MAF: variants seen among roughly 807,000 people sequenced by gnomAD.
MAF encodes the protein transcription factor Maf.
Under a neutral mutation model 22.0 loss-of-function variants are expected in MAF, and 10 were observed. That is an observed-to-expected ratio of 0.45 (90% CI 0.28 to 0.77). MAF has a LOEUF of 0.77. Among genes scored for constraint, MAF ranks in the 30% least tolerant of loss-of-function variants. The pLI is 0.12. For synonymous variants in MAF, 337 were observed against 255.8 expected (o/e 1.32, Z -3.03); for missense variants, 544 against 548.4 (o/e 0.99, Z 0.08).
the MAF span, among the ~76,000 whole-genome samples, chr16:79,555,951 T>C: frequency 1.8e-4 from 27 of 152,206 alleles, 1 homozygote; most frequent in Admixed American, 2.0e-4. Flanking sequence ...AACAATAAAA[T>C]ACAGTAAAAT....
the MAF span, among the ~76,000 whole-genome samples, chr16:79,361,937 T>C: frequency 6.6e-6 from 1 of 152,202 alleles, no homozygotes; most frequent in Non-Finnish European, 1.5e-5. Context: ...CATTTGACTA[T>C]AATAATTGCT....
At chr16:79,501,600 G>C in the MAF span, among the ~76,000 whole-genome samples, 1 of 152,104 alleles carries the variant, frequency 6.6e-6, no homozygotes, top group African/African-American at 2.4e-5. Flanking sequence ...ATCTCACAGA[G>C]ACACCCTGAT....
the MAF span, among the ~76,000 whole-genome samples, chr16:79,471,729 G>C: frequency 2.0e-5 from 3 of 152,174 alleles, no homozygotes; most frequent in Non-Finnish European, 4.4e-5. Flanking sequence ...CCTGAGGTTT[G>C]CTGATGTCAT....
chr16:79,317,284 C>T, the MAF span, among the ~76,000 whole-genome samples: 1 of 145,280 alleles, frequency 6.9e-6, no homozygotes, highest in African/African-American at 2.6e-5. Context: ...CTCCTTCCTT[C>T]CTTCCTTTTC....
At chr16:79,486,783 G>C in the MAF span, among the ~76,000 whole-genome samples, 26 of 152,314 alleles carry the variant, frequency 1.7e-4, no homozygotes, top group South Asian at 8.3e-4. Context: ...TATCCTAAAA[G>C]AAATCAATCC....
the MAF span, among the ~76,000 whole-genome samples, chr16:79,314,801 C>A: frequency 6.6e-6 from 1 of 152,154 alleles, no homozygotes; most frequent in Non-Finnish European, 1.5e-5. Context: ...TGCACCTCTC[C>A]ATCCACTTCC....
At chr16:79,279,089 C>T in the MAF span, among the ~76,000 whole-genome samples, 37 of 152,264 alleles carry the variant, frequency 2.4e-4, no homozygotes, top group South Asian at 2.1e-4. Flanking sequence ...CCAGCTGCTC[C>T]GGAGGTAGCC....
Position 79,599,756 on chromosome 16 carries a change from G to T in MAF, c.147C>A (p.Leu49=). ...TGGAGGACAGCGAGCCCCCGGCGAT[G>T]AGACGGCCGCACTGGCTGATGATGC... is the stretch of plus-strand genomic sequence containing the variant. ...TDRIISQCGR[L]IAGGSLSSTP... is the part of the protein sequence containing the mutation. Residue 49 remains leucine (L), a synonymous_variant, in exon 1 of 2, where the codon CTC becomes CTA. Transcript: ENST00000326043. The T allele has an allele frequency of 6.2e-7, 1 of 1,613,046 alleles. No homozygotes were observed.
chr16:79,505,754 TC>T, the MAF span: 1 of 152,098 alleles, frequency 6.6e-6, no homozygotes, highest in Admixed American at 6.5e-5. Flanking sequence ...GGCCAAACGG[TC>T]CCTTGGAAGG....
At chr16:79,547,150 G>C in the MAF span, among the ~76,000 whole-genome samples, 1 of 151,898 alleles carries the variant, frequency 6.6e-6, no homozygotes, top group African/African-American at 2.4e-5. Flanking sequence ...GATGGACTTG[G>C]TGACATGGAA....
chr16:79,438,790 A>C, the MAF span, among the ~76,000 whole-genome samples: 1 of 152,152 alleles, frequency 6.6e-6, no homozygotes, highest in Admixed American at 6.5e-5. Flanking sequence ...GCTAGGAAGA[A>C]ATAAAAGGAA....
At chr16:79,368,967 T>C in the MAF span, among the ~76,000 whole-genome samples, 1 of 152,192 alleles carries the variant, frequency 6.6e-6, no homozygotes, top group Non-Finnish European at 1.5e-5. Context: ...TGTTTTGCTG[T>C]CTCCTCCTAC....
At chr16:79,386,970 G>T in the MAF span, among the ~76,000 whole-genome samples, 2 of 152,152 alleles carry the variant, frequency 1.3e-5, no homozygotes, top group African/African-American at 2.4e-5. Context: ...TTGGTTATAC[G>T]TTCAGCCATT....
the MAF span, among the ~76,000 whole-genome samples, chr16:79,213,119 G>A: frequency 2.6e-5 from 4 of 152,274 alleles, no homozygotes; most frequent in South Asian, 8.3e-4. Flanking sequence ...ATGATTTCCA[G>A]CCCGTTCCAG....
the MAF span, among the ~76,000 whole-genome samples, chr16:79,281,378 G>A: frequency 6.6e-6 from 1 of 152,054 alleles, no homozygotes; most frequent in Non-Finnish European, 1.5e-5. Context: ...AAAGAAGTCA[G>A]AGGTCATAAC....
At chr16:79,402,074 G>T in the MAF span, among the ~76,000 whole-genome samples, 1 of 152,154 alleles carries the variant, frequency 6.6e-6, no homozygotes. Context: ...AGAATGGGAG[G>T]TTCAATTCAG....
chr16:79,498,553 C>T, the MAF span, among the ~76,000 whole-genome samples: 1 of 152,170 alleles, frequency 6.6e-6, no homozygotes, highest in Non-Finnish European at 1.5e-5. Context: ...ACCTGGTGCC[C>T]ACCACTGTGC....
At chr16:79,299,553 T>C in the MAF span, among the ~76,000 whole-genome samples, 1 of 152,068 alleles carries the variant, frequency 6.6e-6, no homozygotes, top group Non-Finnish European at 1.5e-5. Context: ...TACTTTTTTT[T>C]CAGAGTTATT....
At chr16:79,429,721 G>A in the MAF span, among the ~76,000 whole-genome samples, 15 of 152,030 alleles carry the variant, frequency 9.9e-5, no homozygotes, top group African/African-American at 3.4e-4. Flanking sequence ...GCTGGAAAAG[G>A]AAAAAAACAT....
Sources: allele counts gnomAD v4.1 joint callset (sites outside exome capture counted in the v4.1 genomes callset), GRCh38; gene constraint gnomAD v4.1.1; transcripts MANE v1.5; gene names NCBI Gene and HGNC (gene_info 2026-07-23, HGNC 2026-07-21).